Variants in BICC1 observed in about 807,000 individuals in gnomAD.
BICC1 encodes the protein BicC family RNA binding protein 1, also known as protein bicaudal C homolog 1.
Under a neutral mutation model 111.0 loss-of-function variants are expected in BICC1, and 43 were observed. The observed-to-expected ratio is 0.39, with a 90% CI of 0.30 to 0.50. BICC1 has a LOEUF of 0.50. Ranked by LOEUF, BICC1 falls within the 20% of genes least tolerant of loss-of-function variation. The pLI, the probability that BICC1 is intolerant of heterozygous loss-of-function variation, is 0.88. For synonymous variants in BICC1, 467 were observed against 434.4 expected (o/e 1.07, Z -0.93); for missense variants, 1,091 against 1,203.2 (o/e 0.91, Z 1.38).
At chr10:58,757,808 G>A (rs1045662994) in intron 3 of BICC1, among the ~76,000 whole-genome samples, 2 of 152,184 alleles carry the variant, frequency 1.3e-5, no homozygotes, top group Non-Finnish European at 2.9e-5. Context: ...CTGTCCTTAA[G>A]CCTGTGGCTG....
At chr10:58,607,397 C>T (rs1279981175) in intron 1 of BICC1, among the ~76,000 whole-genome samples, 1 of 146,036 alleles carries the variant, frequency 6.8e-6, no homozygotes, top group African/African-American at 2.5e-5. Flanking sequence ...TTTTTCTTAT[C>T]TTTCTAATAT....
chr10:58,640,894 A>G (rs1324781359), intron 2 of BICC1, among the ~76,000 whole-genome samples: 1 of 152,338 alleles, frequency 6.6e-6, no homozygotes, highest in Admixed American at 6.5e-5. Context: ...AGGGACAGCT[A>G]AATTTTCATC....
chr10:58,656,271 C>T (rs1254488530), intron 2 of BICC1, among the ~76,000 whole-genome samples: 4 of 150,922 alleles, frequency 2.7e-5, no homozygotes, highest in Non-Finnish European at 5.9e-5. Flanking sequence ...ATCAGAGGTA[C>T]AAGGAGGAAC....
intron 2 of BICC1, among the ~76,000 whole-genome samples, chr10:58,688,683 T>C (rs949585112): frequency 1.3e-5 from 2 of 152,172 alleles, no homozygotes; most frequent in African/African-American, 4.8e-5. Flanking sequence ...ATATACACCA[T>C]GTAATACTAT....
chr10:58,758,949 ATTTAT>A (rs1451336119), intron 3 of BICC1, among the ~76,000 whole-genome samples: 1 of 149,644 alleles, frequency 6.7e-6, no homozygotes, highest in African/African-American at 2.5e-5. Context: ...TTATTTATTT[ATTTAT>A]TTATTTATTT....
intron 1 of BICC1, among the ~76,000 whole-genome samples, chr10:58,599,408 C>G (rs1182139299): frequency 6.6e-6 from 1 of 152,098 alleles, no homozygotes; most frequent in Non-Finnish European, 1.5e-5. Flanking sequence ...GAACAGAAAA[C>G]TAAACACTGC....
Position 58,799,113 on chromosome 10 carries a change from A to G in BICC1, c.1586A>G (p.Asn529Ser). The G allele has an allele frequency of 1.2e-6, 2 of 1,613,858 alleles. No individual in the cohort carries two copies. Among genetic ancestry groups the G allele is most frequent in the Non-Finnish European group, 1.7e-6 (2 of 1,179,844 alleles). The change falls in exon 12 of 21, where the codon AAT becomes AGT. Residue 529 changes from asparagine (N) to serine (S), a missense_variant. Physicochemically the swap from Asn to Ser is conservative, Grantham distance 46. Transcript: ENST00000373886. ...TCTACTGCCCAAGCCACATTAACTA[A>G]TATTTTGTTGTCTGGAGTGCCCACC... Reference protein sequence around the residue: ...IPSTAQATLTNILLSGVPTYG... With the variant: ...IPSTAQATLTSILLSGVPTYG...
intron 2 of BICC1, among the ~76,000 whole-genome samples, chr10:58,691,994 T>C (rs1839922953): frequency 6.6e-6 from 1 of 152,218 alleles, no homozygotes. Flanking sequence ...TGTTATCTCC[T>C]TTATCACTAT....
At chr10:58,640,190 A>G (rs1457270305) in intron 2 of BICC1, among the ~76,000 whole-genome samples, 2 of 152,180 alleles carry the variant, frequency 1.3e-5, no homozygotes, top group African/African-American at 4.8e-5. Context: ...AAAGAATTGA[A>G]TCCACACTGT....
rs116405491 is a variant in BICC1, at chr10:58,819,585, C to G, written c.2695-784C>G. 2.5e-3 allele frequency among the ~76,000 whole-genome samples: 383 copies of G among 152,204 alleles called. 2 individuals are homozygous for G. The highest frequency in any genetic ancestry group is 8.5e-3 in the African/African-American group (353 of 41,558). On this transcript the variant is annotated intron_variant, in intron 19 of 20. Transcript: ENST00000373886. Reference sequence around the variant, plus strand: ...TATATCAACATGCATTATTACTAACCATACCTGCCAATTGTCTTATTTGGT... The same window carrying G: ...TATATCAACATGCATTATTACTAACGATACCTGCCAATTGTCTTATTTGGT...
chr10:58,526,017 G>T (rs1018676833), intron 1 of BICC1, among the ~76,000 whole-genome samples: 3 of 151,548 alleles, frequency 2.0e-5, no homozygotes, highest in Non-Finnish European at 4.4e-5. Context: ...ACTGTATTCT[G>T]AGGAAGAAAT....
At chr10:58,598,221 C>A (rs1844895608) in intron 1 of BICC1, among the ~76,000 whole-genome samples, 1 of 152,022 alleles carries the variant, frequency 6.6e-6, no homozygotes, top group Non-Finnish European at 1.5e-5. Flanking sequence ...GCAAGAAGAA[C>A]AAATCTGGAG....
At chr10:58,825,647 C>T (rs557835259) in intron 20 of BICC1, among the ~76,000 whole-genome samples, 5 of 152,246 alleles carry the variant, frequency 3.3e-5, no homozygotes, top group Admixed American at 3.3e-4. Flanking sequence ...ATTTCATAGC[C>T]ACCTTCTGTT....
chr10:58,636,387 A>G (rs1837954300), intron 2 of BICC1, among the ~76,000 whole-genome samples: 2 of 152,210 alleles, frequency 1.3e-5, no homozygotes, highest in Admixed American at 1.3e-4. Context: ...AGTAAATTAA[A>G]TATTATTAAA....
chr10:58,817,158 C>A (rs765501347), intron 18 of BICC1, among the ~76,000 whole-genome samples: 3 of 151,792 alleles, frequency 2.0e-5, no homozygotes, highest in Non-Finnish European at 4.4e-5. Flanking sequence ...ACCCTGCCAT[C>A]CAACGGAGCC....
intron 3 of BICC1, among the ~76,000 whole-genome samples, chr10:58,720,085 G>T (rs1840892258): frequency 6.6e-6 from 1 of 152,154 alleles, no homozygotes; most frequent in Admixed American, 6.5e-5. Flanking sequence ...CTGCTTTCTA[G>T]ATTAAATTTG....
chr10:58,732,334 AGAAGAG>A (rs1426483357), intron 3 of BICC1, among the ~76,000 whole-genome samples: 1 of 143,028 alleles, frequency 7.0e-6, no homozygotes, highest in African/African-American at 2.7e-5. Flanking sequence ...AGAGAGAGAA[AGAAGAG>A]GAAGAGGAGT....
chr10:58,727,123 T>C (rs1841131895), intron 3 of BICC1, among the ~76,000 whole-genome samples: 1 of 152,188 alleles, frequency 6.6e-6, no homozygotes, highest in Non-Finnish European at 1.5e-5. Context: ...GAATTTAGTG[T>C]TGCTCTTTTC....
chr10:58,546,965 C>T (rs1843155159), intron 1 of BICC1, among the ~76,000 whole-genome samples: 2 of 152,098 alleles, frequency 1.3e-5, no homozygotes, highest in African/African-American at 4.8e-5. Context: ...TTCTTATTTT[C>T]TTCACTGGTA....
Sources: gnomAD v4.1 joint callset for allele counts (sites outside exome capture counted in the v4.1 genomes callset) on GRCh38, gnomAD v4.1.1 for gene constraint, MANE v1.5 for transcripts, NCBI Gene and HGNC (gene_info 2026-07-23, HGNC 2026-07-21) for gene names.